HDAC9: variants seen among roughly 807,000 people sequenced by gnomAD.
HDAC9 encodes the protein histone deacetylase 9, also known as MEF-2 interacting transcription repressor (MITR) protein.
HDAC9 carries 41 observed loss-of-function variants against 139.4 expected under a neutral mutation model. That is an observed-to-expected ratio of 0.29 (90% CI 0.23 to 0.38). The LOEUF (loss-of-function observed/expected upper bound fraction) is 0.38, where lower values mean the gene tolerates loss of function less well. Among genes scored for constraint, HDAC9 ranks in the 10% least tolerant of loss-of-function variants. The pLI is 1.00. For synonymous variants in HDAC9, 517 were observed against 476.2 expected, an observed-to-expected ratio of 1.09 and a Z score of -1.12; for missense variants, 1,147 against 1,297.0, an observed-to-expected ratio of 0.88 and a Z score of 1.78.
chr7:18,728,555 G>T (rs547960723), intron 13 of HDAC9, among the ~76,000 whole-genome samples: 3 of 152,058 alleles, frequency 2.0e-5, no homozygotes, highest in African/African-American at 7.2e-5. Context: ...TCAAACTGTG[G>T]CTAATCAAAT....
At chr7:18,737,956 A>G (rs1399345133) in intron 13 of HDAC9, among the ~76,000 whole-genome samples, 1 of 152,218 alleles carries the variant, frequency 6.6e-6, no homozygotes, top group Non-Finnish European at 1.5e-5. Context: ...CATTGGGTGC[A>G]TATATCTTTA....
chr7:18,160,278 C>T (rs532520164), intron 1 of HDAC9, among the ~76,000 whole-genome samples: 1 of 152,262 alleles, frequency 6.6e-6, no homozygotes, highest in African/African-American at 2.4e-5. Flanking sequence ...AATTTAAAAT[C>T]AAATTGTGCC....
At chr7:18,422,742 G>GCACACACACA (rs1415773160) in intron 1 of HDAC9, among the ~76,000 whole-genome samples, 20 of 136,126 alleles carry the variant, frequency 1.5e-4, no homozygotes, top group African/African-American at 6.0e-4. Context: ...ACACACACAC[G>GCACACACACA]CGCACACACA....
chr7:18,210,961 G>T (rs1330283355), intron 2 of HDAC9, among the ~76,000 whole-genome samples: 11 of 152,158 alleles, frequency 7.2e-5, no homozygotes, highest in Admixed American at 7.2e-4. Context: ...TTTTTGTACA[G>T]GACGGCCTTT....
intron 10 of HDAC9, 61 bp downstream of exon 10, chr7:18,648,059 G>T (rs987509648): frequency 2.6e-5 from 34 of 1,305,510 alleles, no homozygotes; most frequent in Non-Finnish European, 3.4e-5. Flanking sequence ...AGTGATCCAG[G>T]ATAATGTCTC....
chr7:18,903,275 A>T (rs755317560), intron 22 of HDAC9, among the ~76,000 whole-genome samples: 2 of 152,218 alleles, frequency 1.3e-5, no homozygotes, highest in Non-Finnish European at 2.9e-5. Context: ...ATTTTTTTAA[A>T]TCCCAGTTTT....
chr7:18,488,782 T>G (rs747973103), intron 1 of HDAC9, among the ~76,000 whole-genome samples: 3 of 152,040 alleles, frequency 2.0e-5, no homozygotes, highest in Non-Finnish European at 4.4e-5. Context: ...ATTTTAATAC[T>G]TTGTTCATTC....
intron 2 of HDAC9, among the ~76,000 whole-genome samples, chr7:18,524,193 T>C (rs1338783478): frequency 6.6e-6 from 1 of 152,162 alleles, no homozygotes; most frequent in Non-Finnish European, 1.5e-5. Context: ...ACCTGTGTAG[T>C]GAATGTGAGC....
chr7:18,659,245 T>C (rs1269528119), intron 11 of HDAC9, among the ~76,000 whole-genome samples: 6 of 152,204 alleles, frequency 3.9e-5, no homozygotes, highest in African/African-American at 9.6e-5. Context: ...TAGAGACTTA[T>C]AGACTTGTAT....
At chr7:18,660,691 TAAG>T (rs1248635591) in intron 11 of HDAC9, among the ~76,000 whole-genome samples, 2 of 152,046 alleles carry the variant, frequency 1.3e-5, no homozygotes, top group African/African-American at 2.4e-5. Context: ...TAAAATATGA[TAAG>T]AAGGAGCCAG....
At chr7:18,891,318 C>T (rs75835866) in intron 22 of HDAC9, among the ~76,000 whole-genome samples, 2,733 of 152,250 alleles carry the variant, frequency 0.018, 48 homozygotes, top group South Asian at 0.051. Context: ...CTGACAAGCA[C>T]ATGAAGTGCC....
At chr7:18,202,580 TG>T (rs1275177850) in intron 2 of HDAC9, among the ~76,000 whole-genome samples, 1 of 152,228 alleles carries the variant, frequency 6.6e-6, no homozygotes, top group Non-Finnish European at 1.5e-5. Flanking sequence ...GATACAGAAT[TG>T]CAGACTAGTA....
chr7:18,884,160 T>G (rs953065280), intron 22 of HDAC9, among the ~76,000 whole-genome samples: 2 of 152,156 alleles, frequency 1.3e-5, no homozygotes, highest in African/African-American at 4.8e-5. Flanking sequence ...CTCTGTCAAA[T>G]TCCCAATGAC....
At chr7:18,658,476 C>A (rs904382086) in intron 11 of HDAC9, among the ~76,000 whole-genome samples, 1 of 152,090 alleles carries the variant, frequency 6.6e-6, no homozygotes, top group South Asian at 2.1e-4. Flanking sequence ...GATGAAGCAG[C>A]ATTTATTAAA....
At chr7:18,554,823 T>C (rs992065823) in intron 2 of HDAC9, among the ~76,000 whole-genome samples, 2 of 152,196 alleles carry the variant, frequency 1.3e-5, no homozygotes, top group African/African-American at 4.8e-5. Context: ...TGAACCTGGT[T>C]CTTACAAATC....
intron 6 of HDAC9, among the ~76,000 whole-genome samples, chr7:18,612,297 A>G (rs1370173363): frequency 6.6e-6 from 1 of 152,146 alleles, no homozygotes; most frequent in Non-Finnish European, 1.5e-5. Context: ...TTTTTTAAAG[A>G]CACATCAATT....
At chr7:18,317,214 T>A (rs191431233) in intron 1 of HDAC9, among the ~76,000 whole-genome samples, 27 of 151,458 alleles carry the variant, frequency 1.8e-4, no homozygotes, top group East Asian at 1.2e-3. Flanking sequence ...ATAAATAAAT[T>A]AATTAAATTA....
At position 18,749,042 on chromosome 7, in the gene HDAC9, C is replaced by T. The variant is rs762758244; in HGVS notation, c.1947C>T (p.Cys649=). 15 of 1,613,296 alleles carry T rather than the reference C, an allele frequency of 9.3e-6. No individual in the cohort carries two copies. The highest frequency in any genetic ancestry group is 8.8e-5 in the South Asian group (8 of 90,988). The change falls in exon 14 of 26, where the codon TGC becomes TGT. Residue 649 remains cysteine, a synonymous_variant. Coordinates refer to ENST00000686413, the MANE Select transcript of HDAC9 (RefSeq NM_178425.4). ...AYDPLMLKHQ[C]VCGNSTTHPE... is the part of the protein sequence containing the mutation. ...ACCCCTTGATGCTGAAACACCAGTGCGTTTGTGGCAATTCCACCACCCACC... is the reference window on the plus strand; with the variant it reads ...ACCCCTTGATGCTGAAACACCAGTGTGTTTGTGGCAATTCCACCACCCACC...
At chr7:18,699,929 C>A (rs1192353335) in intron 12 of HDAC9, among the ~76,000 whole-genome samples, 5 of 151,876 alleles carry the variant, frequency 3.3e-5, no homozygotes, top group Non-Finnish European at 5.9e-5. Context: ...ATCAGATGTA[C>A]AATTTTGTAA....
Sources: allele counts gnomAD v4.1 joint callset (sites outside exome capture counted in the v4.1 genomes callset), GRCh38; gene constraint gnomAD v4.1.1; transcripts MANE v1.5; gene names NCBI Gene and HGNC (gene_info 2026-07-23, HGNC 2026-07-21).